The following KSR2 variants were observed in gnomAD, a reference collection of about 807,000 sequenced individuals.
The protein encoded by KSR2 is kinase suppressor of ras 2.
In KSR2, 25 loss-of-function variants were observed where a neutral mutation model predicts 107.8. The observed-to-expected ratio is 0.23, with a 90% CI of 0.17 to 0.32. The LOEUF is 0.32. KSR2 is among the 10% of genes least tolerant of loss of function. The pLI, the probability that KSR2 is intolerant of heterozygous loss-of-function variation, is 1.00. For missense variants in KSR2, 887 were observed against 1,268.9 expected (o/e 0.70, Z 4.57); for synonymous variants, 480 against 507.0 (o/e 0.95, Z 0.71).
chr12:117,763,763 C>T (rs1889130842), intron 3 of KSR2, among the ~76,000 whole-genome samples: 2 of 152,278 alleles, frequency 1.3e-5, no homozygotes, highest in African/African-American at 2.4e-5. Flanking sequence ...TCAAAGATCA[C>T]TCAGGCTGCT....
At chr12:117,805,234 C>T (rs1053599090) in intron 3 of KSR2, among the ~76,000 whole-genome samples, 1 of 152,194 alleles carries the variant, frequency 6.6e-6, no homozygotes, top group Non-Finnish European at 1.5e-5. Context: ...CCCACACACA[C>T]CTTTTTAGGG....
At chr12:117,482,606 G>T (rs1872239817) in intron 16 of KSR2, among the ~76,000 whole-genome samples, 1 of 152,166 alleles carries the variant, frequency 6.6e-6, no homozygotes, top group Non-Finnish European at 1.5e-5. Flanking sequence ...CCTTGCCCTT[G>T]ACTTGGTTGA....
intron 3 of KSR2, among the ~76,000 whole-genome samples, chr12:117,770,103 G>A (rs891064564): frequency 6.6e-6 from 1 of 151,920 alleles, no homozygotes; most frequent in Admixed American, 6.6e-5. Flanking sequence ...CTTGGCAGGT[G>A]CTAACTCTGA....
chr12:117,686,696 T>A (rs1410987174), intron 4 of KSR2, among the ~76,000 whole-genome samples: 1 of 152,076 alleles, frequency 6.6e-6, no homozygotes, highest in East Asian at 1.9e-4. Flanking sequence ...TAAAGACCCT[T>A]CTCTGTGCAA....
chr12:117,756,499 T>C (rs1232617471), intron 4 of KSR2, among the ~76,000 whole-genome samples: 1 of 152,220 alleles, frequency 6.6e-6, no homozygotes, highest in African/African-American at 2.4e-5. Context: ...AAGCCCACTG[T>C]TGAGACCGAC....
At chr12:117,502,504 A>C (rs921813633) in intron 14 of KSR2, among the ~76,000 whole-genome samples, 1 of 152,058 alleles carries the variant, frequency 6.6e-6, no homozygotes, top group Admixed American at 6.6e-5. Context: ...AGTTGGGAGG[A>C]GGGTAGTGGG....
At chr12:117,758,263 G>A (rs891573342) in intron 4 of KSR2, among the ~76,000 whole-genome samples, 1 of 152,048 alleles carries the variant, frequency 6.6e-6, no homozygotes, top group East Asian at 1.9e-4. Context: ...CTCAACTAAC[G>A]CCTCCTTTAT....
intron 3 of KSR2, among the ~76,000 whole-genome samples, chr12:117,836,894 C>T (rs1892237797): frequency 1.3e-5 from 2 of 152,256 alleles, no homozygotes; most frequent in African/African-American, 4.8e-5. Context: ...CCAGATGTCT[C>T]CCAAGGGAAT....
rs913038634 is a variant in KSR2 at position 117,842,070 on chromosome 12, G to A, written c.472+13358C>T. Among the ~76,000 whole-genome samples the A allele has an allele frequency of 3.3e-5, 5 of 152,194 alleles. No homozygotes were observed. Among genetic ancestry groups the A allele is most frequent in the Non-Finnish European group, 5.9e-5 (4 of 68,048 alleles). ...TGTTCCCCAAACCAGCAGCACCAGC[G>A]TCGCCTGGGAACTTGTTAATGCAGA... On this transcript the variant is annotated intron_variant, in intron 3 of 19. Coordinates refer to ENST00000339824, the MANE Select transcript of KSR2 (RefSeq NM_173598.6). This position sits in a 1 kb window ranked among gnomAD's most constrained non-coding sequence, Gnocchi z 4.2.
rs570901648 is a variant in KSR2 at position 117,858,311 on chromosome 12, A to G, written c.321+1980T>C. ...TGAAGCCTCCAAAAGAAATGCCCTG[A>G]GCCATGCAAATACAACACTGTCTGT... On this transcript the variant is annotated intron_variant, in intron 2 of 19. Coordinates refer to ENST00000339824, the MANE Select transcript of KSR2 (RefSeq NM_173598.6). Among the ~76,000 whole-genome samples, 44 of 152,312 alleles carry G rather than the reference A, an allele frequency of 2.9e-4. 1 individual carries two copies. The South Asian group carries it at 6.8e-3, about 24-fold the overall frequency.
intron 7 of KSR2, among the ~76,000 whole-genome samples, chr12:117,562,986 A>C (rs1878223161): frequency 6.6e-6 from 1 of 152,184 alleles, no homozygotes; most frequent in African/African-American, 2.4e-5. Flanking sequence ...AAACCCTGAA[A>C]TTACACAGAC....
At chr12:117,468,110 C>T (rs1012478291) in intron 19 of KSR2, among the ~76,000 whole-genome samples, 1 of 152,186 alleles carries the variant, frequency 6.6e-6, no homozygotes, top group African/African-American at 2.4e-5. Flanking sequence ...CTTGTTAAAG[C>T]TTCCTTCTGT....
At chr12:117,612,131 G>T (rs574766059) in intron 5 of KSR2, among the ~76,000 whole-genome samples, 10 of 152,168 alleles carry the variant, frequency 6.6e-5, no homozygotes, top group Non-Finnish European at 1.0e-4. Flanking sequence ...TCATCCAGGC[G>T]CAGTGGCTCA....
At position 117,641,892 on chromosome 12, in the gene KSR2, A is replaced by C. The variant is rs1883377281; in HGVS notation, c.1171+25582T>G. On this transcript the variant is annotated intron_variant, in intron 5 of 19. Coordinates refer to ENST00000339824, the MANE Select transcript of KSR2 (RefSeq NM_173598.6). Reference sequence around the variant, plus strand: ...TAAAATCTGGATCTGACTCCCACCCACCTCTCCAGTCCCACCTCTAACATT... The same window carrying C: ...TAAAATCTGGATCTGACTCCCACCCCCCTCTCCAGTCCCACCTCTAACATT... 2.0e-5 allele frequency among the ~76,000 whole-genome samples: 3 copies of C among 151,894 alleles called. No homozygotes were observed. The South Asian group carries it at 6.3e-4, about 32-fold the overall frequency.
intron 14 of KSR2, among the ~76,000 whole-genome samples, chr12:117,488,130 C>T (rs536318485): frequency 4.6e-5 from 7 of 152,284 alleles, no homozygotes; most frequent in South Asian, 2.1e-4. Flanking sequence ...CCATGTAAGA[C>T]GTGCCTTTGT....
Position 117,495,297 on chromosome 12 carries a change from C to T in KSR2, c.2220-9606G>A, listed in dbSNP as rs117215801. On this transcript the variant is annotated intron_variant, in intron 14 of 19. Coordinates refer to ENST00000339824, the MANE Select transcript of KSR2 (RefSeq NM_173598.6). ...GCACACTCCATCAAATTCCAGCCTCCGGCAATCTCTAACTTCCAAGTTGCT... is the reference window on the plus strand; with the variant it reads ...GCACACTCCATCAAATTCCAGCCTCTGGCAATCTCTAACTTCCAAGTTGCT... Among the ~76,000 whole-genome samples, 67 of 152,306 alleles carry T rather than the reference C, an allele frequency of 4.4e-4. 1 individual carries two copies. The East Asian group carries it at 7.7e-3, about 18-fold the overall frequency.
At chr12:117,783,345 G>A (rs1025491299) in intron 3 of KSR2, among the ~76,000 whole-genome samples, 1 of 152,194 alleles carries the variant, frequency 6.6e-6, no homozygotes, top group Non-Finnish European at 1.5e-5. Context: ...AACGCATTGA[G>A]CAAGGTGCCA....
chr12:117,646,714 T>C (rs1181030353), intron 5 of KSR2, among the ~76,000 whole-genome samples: 1 of 152,118 alleles, frequency 6.6e-6, no homozygotes, highest in Non-Finnish European at 1.5e-5. Flanking sequence ...GAGCTCCTCC[T>C]CTGCCATCTG....
At chr12:117,914,476 T>C (rs1388666576) in intron 1 of KSR2, among the ~76,000 whole-genome samples, 1 of 151,598 alleles carries the variant, frequency 6.6e-6, no homozygotes, top group African/African-American at 2.4e-5. Context: ...AAGTCATCTA[T>C]GCAAAGCTCT....
Sources: allele counts gnomAD v4.1 joint callset (sites outside exome capture counted in the v4.1 genomes callset), GRCh38; gene constraint gnomAD v4.1.1; non-coding constraint Gnocchi (gnomAD v3.1); transcripts MANE v1.5; gene names NCBI Gene and HGNC (gene_info 2026-07-23, HGNC 2026-07-21).